CLMN: variants seen among roughly 807,000 people sequenced by gnomAD.
The protein encoded by CLMN is calmin.
Under a neutral mutation model 92.7 loss-of-function variants are expected in CLMN, and 57 were observed. That is an observed-to-expected ratio of 0.61 (90% confidence interval 0.50 to 0.77). The LOEUF (loss-of-function observed/expected upper bound fraction) is 0.77. CLMN is among the 30% of genes least tolerant of loss of function. CLMN has a pLI of 0.00. For synonymous variants in CLMN, 466 were observed against 470.6 expected, an observed-to-expected ratio of 0.99 and a Z score of 0.13; for missense variants, 1,158 against 1,237.5, an observed-to-expected ratio of 0.94 and a Z score of 0.96.
intron 1 of CLMN, among the ~76,000 whole-genome samples, chr14:95,263,519 A>G (rs1282325733): frequency 6.6e-6 from 1 of 152,210 alleles, no homozygotes. Context: ...ACATCCACCT[A>G]GCAAAAGGGT....
At chr14:95,227,997 T>C (rs1897765285) in intron 2 of CLMN, among the ~76,000 whole-genome samples, 1 of 152,170 alleles carries the variant, frequency 6.6e-6, no homozygotes, top group Non-Finnish European at 1.5e-5. Context: ...TCTGATTTAT[T>C]TTCAGAGTCG....
At position 95,272,823 on chromosome 14, in the gene CLMN, C is replaced by A. The variant is rs147077573; in HGVS notation, c.83-42690G>T. Among the ~76,000 whole-genome samples, 646 of 152,266 alleles carry A rather than the reference C, an allele frequency of 4.2e-3. 5 individuals are homozygous for A. Among genetic ancestry groups the A allele is most frequent in the Non-Finnish European group, 7.4e-3 (504 of 68,016 alleles). ...GTTTCTATGCGCTCCCAAGGGAAAA[C>A]GTTGGGGCCAAGATATTGAAAACCT... is the stretch of plus-strand genomic sequence containing the variant. On this transcript the variant is annotated intron_variant, in intron 1 of 12. Coordinates refer to ENST00000298912, the MANE Select transcript of CLMN (RefSeq NM_024734.4).
chr14:95,201,606 A>G (rs1239887689), intron 9 of CLMN, among the ~76,000 whole-genome samples: 3 of 147,402 alleles, frequency 2.0e-5, no homozygotes, highest in African/African-American at 7.6e-5. Context: ...TCTGGGATAC[A>G]CGTACAGAGT....
intron 1 of CLMN, among the ~76,000 whole-genome samples, chr14:95,266,023 G>A (rs1443124892): frequency 1.3e-5 from 2 of 152,232 alleles, no homozygotes; most frequent in Non-Finnish European, 2.9e-5. Flanking sequence ...CTGGTCATCA[G>A]CTTTAGATTT....
In CLMN at chr14:95,189,571, G is replaced by A. The variant is rs1199889674; in HGVS notation, c.*1993C>T. 2 of 152,200 alleles carry A rather than the reference G, an allele frequency of 1.3e-5. No homozygotes were observed. Among genetic ancestry groups the A allele is most frequent in the African/African-American group, 4.8e-5 (2 of 41,464 alleles). The allele number at this position is 152,200 out of a possible 1,614,324, so 9.4% of individuals were successfully genotyped here. ...TTACAAGTTGTAATAGGTGAGAGAA[G>A]TATCTTGCAGAGGTTTTTCTGAACA... On this transcript the variant is annotated 3_prime_UTR_variant, in exon 13 of 13. Transcript: ENST00000298912.
chr14:95,248,767 G>GGAA (rs2140673745), intron 1 of CLMN, among the ~76,000 whole-genome samples: 1 of 152,198 alleles, frequency 6.6e-6, no homozygotes, highest in Non-Finnish European at 1.5e-5. Flanking sequence ...GCCATAAAAG[G>GGAA]GCTTCCCTGC....
chr14:95,210,518 G>A (rs1333733912), intron 7 of CLMN, among the ~76,000 whole-genome samples, 168 bp downstream of exon 7: 1 of 151,954 alleles, frequency 6.6e-6, no homozygotes, highest in Non-Finnish European at 1.5e-5. Flanking sequence ...TATAATTAGA[G>A]GCATATAAAA....
At chr14:95,205,363 A>G (rs77298546) in intron 8 of CLMN, among the ~76,000 whole-genome samples, 3 of 152,326 alleles carry the variant, frequency 2.0e-5, no homozygotes, top group Non-Finnish European at 4.4e-5. Flanking sequence ...CTAGATATAG[A>G]CCCATATAGG....
intron 8 of CLMN, among the ~76,000 whole-genome samples, chr14:95,205,850 T>C (rs555402889): frequency 6.6e-6 from 1 of 152,068 alleles, no homozygotes; most frequent in Admixed American, 6.5e-5. Context: ...AGGGGATAAA[T>C]GCACACAAAA....
At chr14:95,213,486 T>C (rs955712203) in intron 5 of CLMN, 77 bp from the exon 6 acceptor site, 22 of 1,395,590 alleles carry the variant, frequency 1.6e-5, no homozygotes, top group East Asian at 2.4e-5. Context: ...CGGGTGGCCA[T>C]ATGGACCATG....
chr14:95,242,152 T>C (rs1898266807), intron 1 of CLMN, among the ~76,000 whole-genome samples: 1 of 143,638 alleles, frequency 7.0e-6, no homozygotes, highest in Admixed American at 6.7e-5. Flanking sequence ...TGGGGAAATT[T>C]GAAAAAAAAA....
chr14:95,281,491 T>G (rs1410301740), intron 1 of CLMN, among the ~76,000 whole-genome samples: 1 of 152,204 alleles, frequency 6.6e-6, no homozygotes, highest in Non-Finnish European at 1.5e-5. Flanking sequence ...TCTAGTCACA[T>G]TCATTGTTTT....
intron 9 of CLMN, among the ~76,000 whole-genome samples, chr14:95,197,961 G>A (rs1278417412): frequency 6.6e-6 from 1 of 151,762 alleles, no homozygotes; most frequent in African/African-American, 2.4e-5. Flanking sequence ...ACAAGCAGAG[G>A]GCTTATTTAT....
intron 1 of CLMN, among the ~76,000 whole-genome samples, chr14:95,275,868 G>T (rs571969625): frequency 6.6e-6 from 1 of 151,980 alleles, no homozygotes; most frequent in African/African-American, 2.4e-5. Context: ...TTGCCATGTT[G>T]CCTAGGTTGG....
chr14:95,258,278 C>CATAT (rs1899088477), intron 1 of CLMN, among the ~76,000 whole-genome samples: 1 of 135,842 alleles, frequency 7.4e-6, no homozygotes, highest in African/African-American at 2.8e-5. Context: ...CATGTGGGGG[C>CATAT]GTGTGTGTGG....
chr14:95,230,007 T>G (rs1897832419), intron 2 of CLMN, 65 bp downstream of exon 2: 2 of 1,489,860 alleles, frequency 1.3e-6, no homozygotes, highest in African/African-American at 2.8e-5. Flanking sequence ...CCCTCCACTC[T>G]CTGGAACTGT....
rs1303288210 is a variant in CLMN at position 95,203,587 on chromosome 14, C to T, written c.1762G>A (p.Glu588Lys). 1 of 1,614,032 alleles carries T rather than the reference C, an allele frequency of 6.2e-7. No homozygotes were observed. The highest frequency in any genetic ancestry group is 1.3e-5 in the African/African-American group (1 of 74,900). The change falls in exon 9 of 13, where the codon GAG (glutamate) becomes AAG (lysine). Residue 588 changes from glutamate (E) to lysine (K), a missense_variant. Coordinates refer to ENST00000298912, the MANE Select transcript of CLMN (RefSeq NM_024734.4). ...QAFNKVPSPH[E>K]TKPDEDAEAF... ...TCAGCATCCTCGTCAGGTTTTGTCTCATGAGGTGAAGGAACTTTGTTGAAA... is the reference window on the plus strand; with the variant it reads ...TCAGCATCCTCGTCAGGTTTTGTCTTATGAGGTGAAGGAACTTTGTTGAAA...
At chr14:95,257,716 G>A (rs1485707252) in intron 1 of CLMN, among the ~76,000 whole-genome samples, 1 of 152,214 alleles carries the variant, frequency 6.6e-6, no homozygotes, top group East Asian at 1.9e-4. Flanking sequence ...GTTCTAGTAA[G>A]ACTTCCAAGT....
Position 95,188,444 on chromosome 14 carries a change from A to G in CLMN, c.*3120T>C, listed in dbSNP as rs1008766955. The stretch of plus-strand genomic sequence containing the variant: ...TATTAACTTGGAAAATAAAAATTCA[A>G]TAAAACATTCAGATTGGGAAGATAA... On this transcript the variant is annotated 3_prime_UTR_variant, in exon 13 of 13. Transcript: ENST00000298912. 2 of 152,234 alleles carry G rather than the reference A, an allele frequency of 1.3e-5. No homozygotes were observed. The highest frequency in any genetic ancestry group is 2.4e-5 in the African/African-American group (1 of 41,448). 9.4% of individuals were successfully genotyped at this position (152,234 alleles called of 1,614,324 possible).
Sources: gnomAD v4.1 joint callset for allele counts (sites outside exome capture counted in the v4.1 genomes callset) on GRCh38, gnomAD v4.1.1 for gene constraint, MANE v1.5 for transcripts, NCBI Gene and HGNC (gene_info 2026-07-23, HGNC 2026-07-21) for gene names.